GATAD2A: variants seen among roughly 807,000 people sequenced by gnomAD.
The protein encoded by GATAD2A is GATA zinc finger domain containing 2A.
A neutral mutation model predicts 68.5 loss-of-function variants in GATAD2A; 12 were observed. The ratio of observed to expected loss-of-function variants is 0.18; its 90% CI spans 0.11 to 0.28. The LOEUF (loss-of-function observed/expected upper bound fraction) is 0.28, where lower values mean the gene tolerates loss of function less well. Ranked by LOEUF, GATAD2A falls within the 10% of genes least tolerant of loss-of-function variation. The pLI is 1.00. For synonymous variants in GATAD2A, 410 were observed against 375.3 expected (o/e 1.09, Z -1.07); for missense variants, 755 against 868.5 (o/e 0.87, Z 1.64).
At chr19:19,481,518 G>T (rs924082279) in intron 2 of GATAD2A, among the ~76,000 whole-genome samples, 2 of 152,070 alleles carry the variant, frequency 1.3e-5, no homozygotes, top group Non-Finnish European at 2.9e-5. Flanking sequence ...TAGAGACAGG[G>T]TCTCACTGTG....
At chr19:19,436,759 A>G (rs2054403028) in intron 1 of GATAD2A, among the ~76,000 whole-genome samples, 1 of 152,216 alleles carries the variant, frequency 6.6e-6, no homozygotes, top group Admixed American at 6.5e-5. Context: ...GTTACCATCA[A>G]GCCTGGTCAG....
chr19:19,417,906 C>T (rs1600068810), intron 1 of GATAD2A, among the ~76,000 whole-genome samples: 1 of 152,118 alleles, frequency 6.6e-6, no homozygotes, highest in Admixed American at 6.6e-5. Context: ...CAGTGCTGAG[C>T]CCCAGGGGTG....
intron 1 of GATAD2A, chr19:19,429,346 C>A: frequency 2.0e-6 from 1 of 502,330 alleles, no homozygotes; most frequent in Middle Eastern, 9.9e-4. Flanking sequence ...ACGGTGCGTG[C>A]AAAGGTCTGG....
At chr19:19,439,897 C>T (rs2054802011) in intron 1 of GATAD2A, among the ~76,000 whole-genome samples, 1 of 152,132 alleles carries the variant, frequency 6.6e-6, no homozygotes, top group Non-Finnish European at 1.5e-5. Flanking sequence ...CATGTGTTTA[C>T]TCTTTGCTCC....
In GATAD2A at chr19:19,445,950, C is replaced by T. The variant is rs576289939; in HGVS notation, c.-6-19390C>T. ...TATACCTACAAGTGGACTTGCAGGA[C>T]ACTCGGGAGCATGGTGATGCCGTGG... On this transcript the variant is annotated intron_variant, in intron 1 of 11. Coordinates refer to ENST00000683918, the MANE Select transcript of GATAD2A (RefSeq NM_001384528.1). Among the ~76,000 whole-genome samples, 8 of 152,268 alleles carry T rather than the reference C, an allele frequency of 5.3e-5. No homozygotes were observed. In the East Asian group the frequency reaches 1.5e-3, roughly 29 times the overall value.
chr19:19,426,836 T>G (rs919018693), intron 1 of GATAD2A, among the ~76,000 whole-genome samples: 3 of 152,236 alleles, frequency 2.0e-5, no homozygotes, highest in African/African-American at 7.2e-5. Flanking sequence ...TTTATGCGGC[T>G]TATTTGAGAA....
chr19:19,499,808 C>T (rs2060402642), intron 8 of GATAD2A, among the ~76,000 whole-genome samples: 1 of 152,210 alleles, frequency 6.6e-6, no homozygotes, highest in South Asian at 2.1e-4. Flanking sequence ...CTCCCGGCCA[C>T]AGGATGGTAC....
chr19:19,453,192 C>A (rs75893585), intron 1 of GATAD2A, among the ~76,000 whole-genome samples: 3,928 of 152,290 alleles, frequency 0.026, 183 homozygotes, highest in African/African-American at 0.088. Flanking sequence ...CTTCTCAGCC[C>A]TGTGCTTTTC....
intron 1 of GATAD2A, among the ~76,000 whole-genome samples, chr19:19,430,084 C>T: frequency 6.6e-6 from 1 of 152,094 alleles, no homozygotes; most frequent in East Asian, 1.9e-4. Flanking sequence ...GGATTTGGGC[C>T]TTATGGTCTC....
intron 1 of GATAD2A, among the ~76,000 whole-genome samples, chr19:19,410,370 A>G (rs2050777764): frequency 6.6e-6 from 1 of 152,092 alleles, no homozygotes; most frequent in Admixed American, 6.5e-5. Flanking sequence ...GGAGTGGTCA[A>G]GGCTTCAGGG....
chr19:19,463,798 G>A (rs1200814538), intron 1 of GATAD2A, among the ~76,000 whole-genome samples: 1 of 152,182 alleles, frequency 6.6e-6, no homozygotes, highest in African/African-American at 2.4e-5. Flanking sequence ...GTTTCAAGCC[G>A]GTGCCCGGGT....
chr19:19,436,494 G>A (rs982030775), intron 1 of GATAD2A, among the ~76,000 whole-genome samples: 1 of 152,260 alleles, frequency 6.6e-6, no homozygotes, highest in Non-Finnish European at 1.5e-5. Context: ...CTGAGGGGCA[G>A]GGGCAGAGGA....
At chr19:19,393,855 G>A (rs1402995606) in intron 1 of GATAD2A, among the ~76,000 whole-genome samples, 1 of 151,790 alleles carries the variant, frequency 6.6e-6, no homozygotes, top group Non-Finnish European at 1.5e-5. Flanking sequence ...AACTAGAATG[G>A]TCACGGCAGG....
intron 1 of GATAD2A, among the ~76,000 whole-genome samples, chr19:19,386,954 T>A (rs569792124): frequency 5.0e-4 from 76 of 151,472 alleles, no homozygotes; most frequent in African/African-American, 1.8e-3. Flanking sequence ...AGAGACCCCT[T>A]CCTATCTGAG....
chr19:19,408,742 A>G lies in GATAD2A; in HGVS notation c.-7+2723A>G, dbSNP rs193169867. Among the ~76,000 whole-genome samples the G allele has an allele frequency of 2.0e-5, 3 of 152,250 alleles. No homozygotes were observed. In the East Asian group the frequency reaches 5.8e-4, roughly 29 times the overall value. Reference sequence around the variant, plus strand: ...CCTCCTCAGTAGAGTTTATAGTGAGATTAGTGGGCCAGGAGTCGTAATTAA... The same window carrying G: ...CCTCCTCAGTAGAGTTTATAGTGAGGTTAGTGGGCCAGGAGTCGTAATTAA... On this transcript the variant is annotated intron_variant, in intron 1 of 11. Transcript: ENST00000683918.
Position 19,502,429 on chromosome 19 carries a change from A to G in GATAD2A, c.1677A>G (p.Thr559=), listed in dbSNP as rs750964816. The change falls in exon 11 of 12, where the codon ACA becomes ACG. Residue 559 remains threonine, a synonymous_variant. Coordinates refer to ENST00000683918, the MANE Select transcript of GATAD2A (RefSeq NM_001384528.1). ...AACTGCAGAACTCAGCCTCGGCCAC[A>G]GCCCTGGTCAGCAGGACCGGCAGAC... ...SPKLQNSASA[T]ALVSRTGRHS... is the part of the protein sequence containing the mutation. 2.5e-6 allele frequency: 4 copies of G among 1,613,594 alleles called. No homozygotes were observed. Among genetic ancestry groups the G allele is most frequent in the Non-Finnish European group, 3.4e-6 (4 of 1,179,970 alleles).
At chr19:19,389,809 C>T (rs1488908709) in intron 1 of GATAD2A, among the ~76,000 whole-genome samples, 4 of 152,152 alleles carry the variant, frequency 2.6e-5, no homozygotes, top group African/African-American at 7.2e-5. Flanking sequence ...GTCACTCAGG[C>T]GGGAGTGCAG....
chr19:19,420,177 GTTTTTTTTTT>G (rs71170684), intron 1 of GATAD2A, among the ~76,000 whole-genome samples: 4 of 89,922 alleles, frequency 4.4e-5, no homozygotes, highest in African/African-American at 1.3e-4. Context: ...TATCCAGCTA[GTTTTTTTTTT>G]TTTTTTTTTT....
chr19:19,444,925 G>A (rs1038891013), intron 1 of GATAD2A, among the ~76,000 whole-genome samples: 3 of 149,754 alleles, frequency 2.0e-5, no homozygotes, highest in Non-Finnish European at 4.4e-5. Flanking sequence ...TTGGATTTTA[G>A]GCAGTGTAGG....
Sources: gnomAD v4.1 joint callset for allele counts (sites outside exome capture counted in the v4.1 genomes callset) on GRCh38, gnomAD v4.1.1 for gene constraint, MANE v1.5 for transcripts, NCBI Gene and HGNC (gene_info 2026-07-23, HGNC 2026-07-21) for gene names.